Variants in SPATA9 observed in about 807,000 individuals in gnomAD.
SPATA9 encodes the protein spermatogenesis-associated protein 9.
SPATA9 carries 27 observed loss-of-function variants against 25.5 expected under a neutral mutation model. That is an observed-to-expected ratio of 1.06 (90% confidence interval 0.78 to 1.46). SPATA9 has a LOEUF of 1.46. Ranked by LOEUF, SPATA9 falls within the 40% of genes most tolerant of loss-of-function variation. The pLI is 0.00. For missense variants in SPATA9, 282 were observed against 297.5 expected, an observed-to-expected ratio of 0.95 and a Z score of 0.38; for synonymous variants, 102 against 105.7, an observed-to-expected ratio of 0.97 and a Z score of 0.21.
upstream of SPATA9, among the ~76,000 whole-genome samples, chr5:95,700,913 T>G (rs1375212258): frequency 6.6e-6 from 1 of 152,216 alleles, no homozygotes; most frequent in African/African-American, 2.4e-5. Flanking sequence ...TCTTAAAATA[T>G]TTTCCTTTTT....
the SPATA9 span, among the ~76,000 whole-genome samples, chr5:95,706,097 T>C: frequency 2.0e-5 from 3 of 152,144 alleles, no homozygotes; most frequent in Non-Finnish European, 4.4e-5. Context: ...CCAGACCTTT[T>C]TTTAGACTGG....
intron 3 of SPATA9, among the ~76,000 whole-genome samples, chr5:95,665,031 T>A (rs1241313530): frequency 6.6e-6 from 1 of 152,248 alleles, no homozygotes; most frequent in Non-Finnish European, 1.5e-5. Context: ...CTCAGTGGTA[T>A]ATTATGCAAT....
chr5:95,713,926 A>G, the SPATA9 span, among the ~76,000 whole-genome samples: 1 of 152,126 alleles, frequency 6.6e-6, no homozygotes, highest in South Asian at 2.1e-4. Context: ...ATATATATAT[A>G]TAATTTTGTA....
the SPATA9 span, among the ~76,000 whole-genome samples, chr5:95,726,224 G>T: frequency 6.6e-6 from 1 of 152,110 alleles, no homozygotes; most frequent in Non-Finnish European, 1.5e-5. Context: ...GAATGCAGTT[G>T]TTTTTTTCCA....
the SPATA9 span, chr5:95,731,655 T>C: frequency 1.2e-6 from 2 of 1,612,886 alleles, no homozygotes; most frequent in Non-Finnish European, 1.7e-6. Flanking sequence ...TTTCTCCGAG[T>C]CGCCGCCCTG....
chr5:95,692,064 A>G (rs545825495), intron 1 of SPATA9, among the ~76,000 whole-genome samples: 1 of 152,220 alleles, frequency 6.6e-6, no homozygotes, highest in African/African-American at 2.4e-5. Flanking sequence ...TTTGTATTTG[A>G]TATCTTGCTA....
intron 3 of SPATA9, among the ~76,000 whole-genome samples, chr5:95,666,852 T>C (rs974200273): frequency 5.9e-5 from 9 of 152,224 alleles, no homozygotes; most frequent in Admixed American, 2.6e-4. Context: ...GCTTAAAAAT[T>C]CTACATCCCA....
chr5:95,731,708 C>T, the SPATA9 span: 1 of 1,613,198 alleles, frequency 6.2e-7, no homozygotes, highest in Admixed American at 1.7e-5. Context: ...GCCGTCCTGC[C>T]ATTGTCTCTC....
chr5:95,701,966 T>C (rs1184988718), upstream of SPATA9, among the ~76,000 whole-genome samples: 3 of 152,234 alleles, frequency 2.0e-5, no homozygotes, highest in Non-Finnish European at 4.4e-5. Context: ...ATTCTTTTAC[T>C]GAACAAAAGT....
At chr5:95,654,733 A>T (rs1750624047), downstream of SPATA9, among the ~76,000 whole-genome samples, 1 of 152,208 alleles carries the variant, frequency 6.6e-6, no homozygotes, top group South Asian at 2.1e-4. Flanking sequence ...AATAAGGCAG[A>T]TCTATATGGG....
At chr5:95,686,917 C>T (rs982437868), upstream of SPATA9, among the ~76,000 whole-genome samples, 1 of 152,100 alleles carries the variant, frequency 6.6e-6, no homozygotes, top group Non-Finnish European at 1.5e-5. Flanking sequence ...GCAGTGGACA[C>T]AAGTTAGCTA....
Position 95,664,001 on chromosome 5 carries a change from A to C in SPATA9, c.426T>G (p.Thr142=), listed in dbSNP as rs1751521955. The change falls in exon 4 of 5, where the codon ACT becomes ACG. Residue 142 remains threonine (T), a synonymous_variant. Coordinates refer to ENST00000274432, the MANE Select transcript of SPATA9 (RefSeq NM_031952.4). ...LFEIISFPAK[T]ALTSIIYASY... is the part of the protein sequence containing the mutation. ...AAGCATATATTATGCTAGTTAAAGC[A>C]GTCTTTGCTGGAAAGGAGATGATTT... 6.3e-7 allele frequency: 1 copy of C among 1,599,602 alleles called. No individual in the cohort carries two copies. Among genetic ancestry groups the C allele is most frequent in the African/African-American group, 1.3e-5 (1 of 74,640 alleles).
downstream of SPATA9, chr5:95,657,431 T>C (rs922384635): frequency 6.0e-5 from 9 of 150,754 alleles, no homozygotes; most frequent in African/African-American, 2.2e-4. Context: ...ATCACCACTA[T>C]GTGGGACCAG....
chr5:95,654,784 C>T (rs940731381), downstream of SPATA9, among the ~76,000 whole-genome samples: 1 of 151,976 alleles, frequency 6.6e-6, no homozygotes, highest in East Asian at 1.9e-4. Flanking sequence ...CTGAAAAAAG[C>T]ACGTCATAGG....
intron 1 of SPATA9, among the ~76,000 whole-genome samples, chr5:95,695,357 G>A (rs1213180978): frequency 6.6e-6 from 1 of 152,190 alleles, no homozygotes; most frequent in African/African-American, 2.4e-5. Flanking sequence ...CAGCACTTTG[G>A]GAGGCTGAGG....
chr5:95,689,874 G>GT (rs1010006726), intron 1 of SPATA9, among the ~76,000 whole-genome samples: 6 of 152,188 alleles, frequency 3.9e-5, no homozygotes, highest in South Asian at 2.1e-4. Context: ...ATGAGATAAT[G>GT]TTTTTTTGCA....
chr5:95,675,735 G>A, intron 2 of SPATA9, 96 bp from the exon 3 acceptor site: 11 of 913,106 alleles, frequency 1.2e-5, no homozygotes, highest in Non-Finnish European at 1.7e-5. Context: ...TAACTACATT[G>A]TGCATGGTGT....
intron 3 of SPATA9, chr5:95,674,700 G>A (rs1476806280): frequency 1.3e-5 from 6 of 452,206 alleles, no homozygotes; most frequent in African/African-American, 1.0e-4. Context: ...ATCCAGCCAT[G>A]TCGGGAATCT....
chr5:95,693,915 C>T (rs545942759), intron 1 of SPATA9, among the ~76,000 whole-genome samples: 21 of 152,260 alleles, frequency 1.4e-4, no homozygotes, highest in Non-Finnish European at 1.6e-4. Context: ...AATTCCAGAA[C>T]TTTGGGAGGC....
Sources: allele counts gnomAD v4.1 joint callset (sites outside exome capture counted in the v4.1 genomes callset), GRCh38; gene constraint gnomAD v4.1.1; transcripts MANE v1.5; gene names NCBI Gene and HGNC (gene_info 2026-07-23, HGNC 2026-07-21).